The following CACNA1I variants were observed in gnomAD, a reference collection of about 807,000 sequenced individuals.
CACNA1I encodes the protein calcium voltage-gated channel subunit alpha1 I.
A neutral mutation model predicts 201.6 loss-of-function variants in CACNA1I; 74 were observed. That is an observed-to-expected ratio of 0.37 (90% CI 0.30 to 0.45). The LOEUF is 0.45. Ranked by LOEUF, CACNA1I falls within the 20% of genes least tolerant of loss-of-function variation. The pLI, the probability that CACNA1I is intolerant of heterozygous loss-of-function variation, is 1.00. For synonymous variants in CACNA1I, 1,431 were observed against 1,345.2 expected, an observed-to-expected ratio of 1.06 and a Z score of -1.40; for missense variants, 2,346 against 3,138.1, an observed-to-expected ratio of 0.75 and a Z score of 6.03.
In CACNA1I at chr22:39,685,666, T is replaced by TCTGCCTG. The variant is rs1450126517; in HGVS notation, c.6028-84_6028-78dup. On this transcript the variant is annotated intron_variant, in intron 36 of 36. Transcript: ENST00000402142. The surrounding 1 kb of genome is among the most constrained non-coding windows in gnomAD (Gnocchi z 5.0). ...TCCGAAGGGAGCTCCTTGGATGGGG[T>TCTGCCTG]CTGCCTGCTGCCTGCTGTGCGGGGG... is the stretch of plus-strand genomic sequence containing the variant. The TCTGCCTG allele has an allele frequency of 8.4e-6, 9 of 1,073,002 alleles. No individual in the cohort carries two copies. The highest frequency in any genetic ancestry group is 3.3e-5 in the East Asian group (1 of 30,590). The allele number at this position is 1,073,002 out of a possible 1,614,324, so 66.5% of individuals were successfully genotyped here.
In CACNA1I at chr22:39,670,293, C is replaced by T. The variant is rs1025754943; in HGVS notation, c.4387+63C>T. Reference sequence around the variant, plus strand: ...TCTAAGCCCTTCTGCCTGGGCCTGACCCCAGCCTCCTGAGCCTTTGGAGCT... The same window carrying T: ...TCTAAGCCCTTCTGCCTGGGCCTGATCCCAGCCTCCTGAGCCTTTGGAGCT... On this transcript the variant is annotated intron_variant, in intron 25 of 36. Transcript: ENST00000402142. The T allele has an allele frequency of 1.7e-5, 26 of 1,520,352 alleles. No homozygotes were observed. In the Admixed American group the frequency reaches 4.4e-4, roughly 26 times the overall value. The allele number at this position is 1,520,352 out of a possible 1,614,324, so 94.2% of individuals were successfully genotyped here.
chr22:39,609,579 ATGTCCACT>A (rs1933323499), intron 3 of CACNA1I, among the ~76,000 whole-genome samples: 2 of 152,338 alleles, frequency 1.3e-5, no homozygotes, highest in South Asian at 4.1e-4. Context: ...GTGACAGGGC[ATGTCCACT>A]TGGATCAGGA....
At chr22:39,591,561 C>CT (rs908455312) in intron 1 of CACNA1I, among the ~76,000 whole-genome samples, 14 of 150,654 alleles carry the variant, frequency 9.3e-5, no homozygotes, top group African/African-American at 3.2e-4. Context: ...CTTTTCTTTT[C>CT]TTTTTTTTTG....
chr22:39,594,444 A>G (rs1160210239), intron 1 of CACNA1I, among the ~76,000 whole-genome samples: 2 of 152,126 alleles, frequency 1.3e-5, no homozygotes. Context: ...ATTAATGATG[A>G]AGCTGCTGCT....
intron 2 of CACNA1I, 67 bp downstream of exon 2, chr22:39,598,329 C>A: frequency 1.3e-6 from 1 of 772,430 alleles, no homozygotes; most frequent in Admixed American, 2.1e-5. Context: ...ATGCCCCGCC[C>A]ACTCCACACC....
chr22:39,602,300 C>T (rs976842358), intron 3 of CACNA1I, among the ~76,000 whole-genome samples: 1 of 151,510 alleles, frequency 6.6e-6, no homozygotes, highest in Non-Finnish European at 1.5e-5. Context: ...GTCTTGAACT[C>T]CTGGGTTCAA....
chr22:39,656,823 G>A, intron 10 of CACNA1I: 1 of 514,444 alleles, frequency 1.9e-6, no homozygotes, highest in African/African-American at 1.9e-5. Context: ...CTCCTCATCT[G>A]TAAAACGGAG....
At chr22:39,671,246 A>T (rs1935368715) in intron 26 of CACNA1I, among the ~76,000 whole-genome samples, 1 of 151,858 alleles carries the variant, frequency 6.6e-6, no homozygotes, top group Non-Finnish European at 1.5e-5. Context: ...TTAAATATTG[A>T]CTCTTTGCAA....
intron 24 of CACNA1I, among the ~76,000 whole-genome samples, chr22:39,669,455 T>C (rs1288949783): frequency 6.6e-6 from 1 of 152,236 alleles, no homozygotes; most frequent in East Asian, 1.9e-4. Context: ...TTCTGCCTTA[T>C]TTCTGGATGG....
intron 34 of CACNA1I, among the ~76,000 whole-genome samples, chr22:39,681,675 C>T (rs1261055080): frequency 6.6e-6 from 1 of 151,714 alleles, no homozygotes; most frequent in Non-Finnish European, 1.5e-5. Flanking sequence ...GGGGTGAGAT[C>T]TCAAGACCTG....
At chr22:39,641,614 G>A (rs1886448022) in intron 6 of CACNA1I, among the ~76,000 whole-genome samples, 1 of 152,168 alleles carries the variant, frequency 6.6e-6, no homozygotes, top group Admixed American at 6.5e-5. Flanking sequence ...GCAAAATTCT[G>A]GTACAGGGAG....
intron 1 of CACNA1I, among the ~76,000 whole-genome samples, chr22:39,595,683 T>C (rs959271064): frequency 1.3e-5 from 2 of 152,060 alleles, no homozygotes; most frequent in African/African-American, 2.4e-5. Flanking sequence ...AATGTGGTCA[T>C]GCGGTCTCCC....
intron 1 of CACNA1I, among the ~76,000 whole-genome samples, chr22:39,586,899 G>A (rs980750166): frequency 2.0e-5 from 3 of 152,182 alleles, no homozygotes; most frequent in Admixed American, 6.5e-5. Context: ...CCCCTGCCCA[G>A]GAGTCAAGGA....
rs1478027063 is a variant in CACNA1I, at chr22:39,662,083, T to C, written c.3020T>C (p.Leu1007Pro). The change falls in exon 17 of 37, where the codon CTC becomes CCC. Residue 1007 changes from leucine (L) to proline (P), a missense_variant. Physicochemically the swap from Leu to Pro is moderately conservative, Grantham distance 98 (BLOSUM62 -3). Transcript: ENST00000402142. ...CCGTCGGCGGAGCATGAGTCCCTGC[T>C]CTCTGCGGAGCGCGGCGGCGGCGCC... ...KPPSAEHESL[L>P]SAERGGGARV... 1.3e-6 allele frequency: 2 copies of C among 1,537,152 alleles called. No individual in the cohort carries two copies. Among genetic ancestry groups the C allele is most frequent in the Admixed American group, 4.0e-5 (2 of 49,764 alleles).
At chr22:39,595,809 G>A (rs1204815160) in intron 1 of CACNA1I, among the ~76,000 whole-genome samples, 1 of 151,930 alleles carries the variant, frequency 6.6e-6, no homozygotes, top group African/African-American at 2.4e-5. Context: ...TTATTCATCC[G>A]ACAGATGTTC....
chr22:39,643,865 C>A (rs1934408695), intron 7 of CACNA1I, among the ~76,000 whole-genome samples: 1 of 152,260 alleles, frequency 6.6e-6, no homozygotes, highest in Non-Finnish European at 1.5e-5. Context: ...GAAACCCACA[C>A]TGCACCAGGC....
chr22:39,580,500 A>AAC (rs1932512558), intron 1 of CACNA1I, among the ~76,000 whole-genome samples: 1 of 152,144 alleles, frequency 6.6e-6, no homozygotes, highest in Non-Finnish European at 1.5e-5. Context: ...ACCTGGGGGC[A>AAC]CTGGTGAAGC....
At chr22:39,664,670 C>T in intron 20 of CACNA1I, 69 bp from the exon 21 acceptor site, 1 of 631,682 alleles carries the variant, frequency 1.6e-6, no homozygotes, top group Non-Finnish European at 2.6e-6. Context: ...TTGCATAGAG[C>T]CCGGTTGGCC....
rs1276310227 is a variant in CACNA1I, at chr22:39,613,467, C to T, written c.483-5843C>T. ...TGAGCTGAGGTAACAGTTGAGGCTG[C>T]GATACAATAATAGCTCACATTTCTT... is the stretch of plus-strand genomic sequence containing the variant. On this transcript the variant is annotated intron_variant, in intron 3 of 36. Transcript: ENST00000402142. Among the ~76,000 whole-genome samples the T allele has an allele frequency of 3.9e-4, 60 of 152,170 alleles. 1 individual carries two copies. Among genetic ancestry groups the T allele is most frequent in the East Asian group, 1.9e-4 (1 of 5,188 alleles).
Sources: allele counts gnomAD v4.1 joint callset (sites outside exome capture counted in the v4.1 genomes callset), GRCh38; gene constraint gnomAD v4.1.1; non-coding constraint Gnocchi (gnomAD v3.1); transcripts MANE v1.5; gene names NCBI Gene and HGNC (gene_info 2026-07-23, HGNC 2026-07-21).